The following ABHD17C variants were observed in gnomAD, a reference collection of about 807,000 sequenced individuals.
ABHD17C encodes the protein abhydrolase domain containing 17C, depalmitoylase.
In ABHD17C, 11 loss-of-function variants were observed where a neutral mutation model predicts 27.9. The observed-to-expected ratio is 0.39, with a 90% CI of 0.25 to 0.65. The LOEUF (loss-of-function observed/expected upper bound fraction) is 0.65, where lower values mean the gene tolerates loss of function less well. Ranked by LOEUF, ABHD17C falls within the 30% of genes least tolerant of loss-of-function variation. ABHD17C has a pLI of 0.45. For missense variants in ABHD17C, 280 were observed against 470.2 expected (o/e 0.60, Z 3.74); for synonymous variants, 233 against 209.1 (o/e 1.11, Z -0.98).
intron 1 of ABHD17C, among the ~76,000 whole-genome samples, chr15:80,720,985 T>A (rs2141502770): frequency 6.6e-6 from 1 of 152,214 alleles, no homozygotes; most frequent in South Asian, 2.1e-4. Context: ...GACTGAAGAC[T>A]TGGATCCTTT....
intron 1 of ABHD17C, among the ~76,000 whole-genome samples, chr15:80,733,849 G>T (rs1237356773): frequency 4.6e-5 from 7 of 151,994 alleles, no homozygotes; most frequent in African/African-American, 1.5e-4. Flanking sequence ...CAATCAAATT[G>T]ATAATTAAAT....
At chr15:80,728,525 A>G (rs186738498) in intron 1 of ABHD17C, among the ~76,000 whole-genome samples, 16 of 150,352 alleles carry the variant, frequency 1.1e-4, no homozygotes, top group African/African-American at 3.9e-4. Flanking sequence ...CACTTGATAG[A>G]TAGGAGATCT....
chr15:80,753,268 G>A (rs1895387598), intron 2 of ABHD17C, among the ~76,000 whole-genome samples: 1 of 152,104 alleles, frequency 6.6e-6, no homozygotes, highest in Non-Finnish European at 1.5e-5. Flanking sequence ...CTAGTCTGAT[G>A]CTCTGAAGAG....
intron 2 of ABHD17C, among the ~76,000 whole-genome samples, chr15:80,753,001 C>G (rs1056689372): frequency 1.3e-5 from 2 of 152,094 alleles, no homozygotes; most frequent in Admixed American, 1.3e-4. Context: ...CTAAATAGTA[C>G]AGTTTTTATT....
At chr15:80,712,860 C>T (rs1894745659) in intron 1 of ABHD17C, among the ~76,000 whole-genome samples, 1 of 152,132 alleles carries the variant, frequency 6.6e-6, no homozygotes. Flanking sequence ...TCCATGAGAC[C>T]TGTGCATTTG....
At chr15:80,738,928 A>G (rs1217032532) in intron 1 of ABHD17C, among the ~76,000 whole-genome samples, 2 of 152,238 alleles carry the variant, frequency 1.3e-5, no homozygotes, top group African/African-American at 2.4e-5. Context: ...AGATGCTGGC[A>G]TTGGACAAGT....
chr15:80,740,371 C>T (rs1448411485), intron 1 of ABHD17C, among the ~76,000 whole-genome samples: 3 of 152,208 alleles, frequency 2.0e-5, no homozygotes, highest in Middle Eastern at 6.8e-3. Context: ...CAGCTGTACT[C>T]GCTGCACTGG....
intron 1 of ABHD17C, among the ~76,000 whole-genome samples, chr15:80,741,527 T>C (rs1027363155): frequency 6.6e-6 from 1 of 152,048 alleles, no homozygotes; most frequent in Admixed American, 6.6e-5. Flanking sequence ...ATTTCACAGG[T>C]AGAAGATTTG....
intron 1 of ABHD17C, among the ~76,000 whole-genome samples, chr15:80,725,089 G>A (rs1227895476): frequency 6.6e-6 from 1 of 152,212 alleles, no homozygotes; most frequent in African/African-American, 2.4e-5. Flanking sequence ...CCAGGGCAGT[G>A]TGCCTAACCA....
intron 1 of ABHD17C, among the ~76,000 whole-genome samples, chr15:80,738,899 A>G (rs1895169823): frequency 6.6e-6 from 1 of 152,214 alleles, no homozygotes; most frequent in African/African-American, 2.4e-5. Context: ...TATAACTACT[A>G]TATGTCAGCC....
intron 1 of ABHD17C, among the ~76,000 whole-genome samples, chr15:80,742,952 T>G (rs1895229978): frequency 7.8e-6 from 1 of 127,920 alleles, no homozygotes; most frequent in Non-Finnish European, 1.5e-5. Context: ...TTGCAAGACT[T>G]CATAGGGGCA....
rs78120591 is a variant in ABHD17C at position 80,735,740 on chromosome 15, G to C, written c.591-13773G>C. Reference sequence around the variant, plus strand: ...TACCTGAAGCTTTTTCCGACTTTCAGGTCCCCATTTCGATCATTCTCTTTG... The same window carrying C: ...TACCTGAAGCTTTTTCCGACTTTCACGTCCCCATTTCGATCATTCTCTTTG... On this transcript the variant is annotated intron_variant, in intron 1 of 2. Transcript: ENST00000258884. 1.5e-3 allele frequency among the ~76,000 whole-genome samples: 228 copies of C among 152,188 alleles called. 1 individual carries two copies. Among genetic ancestry groups the C allele is most frequent in the African/African-American group, 5.3e-3 (219 of 41,516 alleles).
intron 1 of ABHD17C, among the ~76,000 whole-genome samples, chr15:80,738,447 CTG>C (rs972369589): frequency 5.9e-5 from 9 of 152,130 alleles, no homozygotes; most frequent in African/African-American, 1.9e-4. Context: ...ATTGGGCAAA[CTG>C]TGCGGGTTCA....
chr15:80,708,293 TTTTTGTTTTGTTTTG>T (rs570879028), intron 1 of ABHD17C, among the ~76,000 whole-genome samples: 4 of 151,660 alleles, frequency 2.6e-5, no homozygotes, highest in African/African-American at 9.7e-5. Flanking sequence ...CTTCTCTATT[TTTTTGTTTTGTTTTG>T]TTTTGTTTTG....
intron 1 of ABHD17C, among the ~76,000 whole-genome samples, chr15:80,737,227 A>C (rs1251407678): frequency 6.6e-6 from 1 of 152,208 alleles, no homozygotes; most frequent in Non-Finnish European, 1.5e-5. Flanking sequence ...CCCGGTAAAA[A>C]TTGGGAGACT....
intron 1 of ABHD17C, chr15:80,703,274 C>T (rs1010284940): frequency 2.0e-5 from 3 of 152,248 alleles, no homozygotes; most frequent in Non-Finnish European, 4.4e-5. Flanking sequence ...GCCTGATCAC[C>T]CGTTAAGGGT....
At chr15:80,737,748 T>C (rs1012896255) in intron 1 of ABHD17C, among the ~76,000 whole-genome samples, 2 of 151,450 alleles carry the variant, frequency 1.3e-5, no homozygotes, top group African/African-American at 4.9e-5. Flanking sequence ...GACCCCAGAG[T>C]TGTCCAGGTG....
chr15:80,715,076 C>T (rs1214625533), intron 1 of ABHD17C, among the ~76,000 whole-genome samples: 1 of 152,084 alleles, frequency 6.6e-6, no homozygotes, highest in Non-Finnish European at 1.5e-5. Flanking sequence ...CCACCGCGCC[C>T]GGCCTACACA....
rs148561983 is a variant in ABHD17C at position 80,734,805 on chromosome 15, C to G, written c.591-14708C>G. 2.0e-3 allele frequency among the ~76,000 whole-genome samples: 297 copies of G among 152,288 alleles called. 1 individual carries two copies. Among genetic ancestry groups the G allele is most frequent in the Non-Finnish European group, 3.4e-3 (228 of 68,020 alleles). On this transcript the variant is annotated intron_variant, in intron 1 of 2. Coordinates refer to ENST00000258884, the MANE Select transcript of ABHD17C (RefSeq NM_021214.2). ...AAACATCTAGGATAGAATGAAGCATCATACATTAAGGGTGGATGCTGCTTT... is the reference window on the plus strand; with the variant it reads ...AAACATCTAGGATAGAATGAAGCATGATACATTAAGGGTGGATGCTGCTTT...
Sources: gnomAD v4.1 joint callset for allele counts (sites outside exome capture counted in the v4.1 genomes callset) on GRCh38, gnomAD v4.1.1 for gene constraint, MANE v1.5 for transcripts, NCBI Gene and HGNC (gene_info 2026-07-23, HGNC 2026-07-21) for gene names.